Variants in FUT9 observed in about 807,000 individuals in gnomAD.
FUT9 encodes 4-galactosyl-N-acetylglucosaminide 3-alpha-L-fucosyltransferase 9.
A neutral mutation model predicts 29.7 loss-of-function variants in FUT9; 15 were observed. The ratio of observed to expected loss-of-function variants is 0.51; its 90% CI spans 0.34 to 0.78. The LOEUF is 0.78. Among genes scored for constraint, FUT9 ranks in the 30% least tolerant of loss-of-function variants. The probability of loss-of-function intolerance (pLI) is 0.01; values close to 1 mark genes in which losing one functional copy is unlikely to be tolerated. For synonymous variants in FUT9, 169 were observed against 153.7 expected, an observed-to-expected ratio of 1.10 and a Z score of -0.74; for missense variants, 319 against 425.4, an observed-to-expected ratio of 0.75 and a Z score of 2.20.
intron 1 of FUT9, among the ~76,000 whole-genome samples, chr6:96,062,878 C>T (rs530116250): frequency 6.6e-6 from 1 of 151,980 alleles, no homozygotes; most frequent in East Asian, 1.9e-4. Context: ...CAAAAAAGTG[C>T]CTTCAGTTAA....
chr6:96,184,604 T>C (rs576577942), intron 2 of FUT9, among the ~76,000 whole-genome samples: 12 of 152,222 alleles, frequency 7.9e-5, no homozygotes, highest in Non-Finnish European at 1.3e-4. Flanking sequence ...TGAACTTTCC[T>C]CTTAATGCTG....
chr6:96,139,545 C>T (rs897497212), intron 2 of FUT9, among the ~76,000 whole-genome samples: 2 of 152,330 alleles, frequency 1.3e-5, no homozygotes, highest in East Asian at 3.9e-4. Flanking sequence ...CCCACATTTT[C>T]CTTCTGCATC....
At chr6:96,076,016 C>A (rs867867577) in intron 1 of FUT9, among the ~76,000 whole-genome samples, 46 of 152,048 alleles carry the variant, frequency 3.0e-4, no homozygotes, top group Non-Finnish European at 5.4e-4. Flanking sequence ...ATGTCACCAG[C>A]CTATTATTTA....
chr6:96,126,111 T>C (rs1297028245), intron 2 of FUT9, among the ~76,000 whole-genome samples: 1 of 152,172 alleles, frequency 6.6e-6, no homozygotes, highest in Non-Finnish European at 1.5e-5. Context: ...TTAAAACTCG[T>C]CCACAGCCTC....
intron 1 of FUT9, among the ~76,000 whole-genome samples, chr6:96,023,156 A>G (rs186982252): frequency 6.6e-6 from 1 of 152,106 alleles, no homozygotes; most frequent in East Asian, 1.9e-4. Context: ...ACCATCTCCA[A>G]TGCCCAAATG....
At chr6:96,164,780 C>A (rs1346560456) in intron 2 of FUT9, among the ~76,000 whole-genome samples, 2 of 152,094 alleles carry the variant, frequency 1.3e-5, no homozygotes, top group Non-Finnish European at 2.9e-5. Context: ...GAGGAGGGAT[C>A]CATTCAGTTG....
At chr6:96,075,480 G>A (rs1771128886) in intron 1 of FUT9, among the ~76,000 whole-genome samples, 1 of 152,028 alleles carries the variant, frequency 6.6e-6, no homozygotes. Context: ...AAATATATAT[G>A]TATATATACT....
intron 1 of FUT9, among the ~76,000 whole-genome samples, chr6:96,104,608 G>A (rs1316776801): frequency 6.6e-6 from 1 of 152,026 alleles, no homozygotes; most frequent in South Asian, 2.1e-4. Context: ...TCGGCTCACC[G>A]CAATCTCCGC....
intron 1 of FUT9, among the ~76,000 whole-genome samples, chr6:96,070,485 A>G (rs1364556141): frequency 6.6e-6 from 1 of 152,112 alleles, no homozygotes; most frequent in Non-Finnish European, 1.5e-5. Context: ...CAGGAGTACG[A>G]GACCAGCCTG....
chr6:96,198,213 C>A (rs1400283193), intron 2 of FUT9, among the ~76,000 whole-genome samples: 1 of 151,828 alleles, frequency 6.6e-6, no homozygotes, highest in Non-Finnish European at 1.5e-5. Flanking sequence ...CTGCGCTGCA[C>A]CCACTAACTC....
At chr6:96,035,779 T>G (rs1478985722) in intron 1 of FUT9, among the ~76,000 whole-genome samples, 3 of 123,892 alleles carry the variant, frequency 2.4e-5, no homozygotes, top group Non-Finnish European at 5.0e-5. Context: ...AAATATAATA[T>G]AATTTATTTA....
At chr6:96,161,350 C>T (rs1214429787) in intron 2 of FUT9, among the ~76,000 whole-genome samples, 16 of 152,206 alleles carry the variant, frequency 1.1e-4, no homozygotes, top group Middle Eastern at 3.4e-3. Context: ...GAGGAACAGG[C>T]GCTCCTCAGA....
chr6:96,094,879 A>G (rs1358653397), intron 1 of FUT9, among the ~76,000 whole-genome samples: 4 of 151,956 alleles, frequency 2.6e-5, no homozygotes, highest in Non-Finnish European at 5.9e-5. Context: ...TTTGGGGAAC[A>G]GGTGGTGTTT....
chr6:96,152,226 G>C (rs1378720932), intron 2 of FUT9, among the ~76,000 whole-genome samples: 1 of 152,096 alleles, frequency 6.6e-6, no homozygotes, highest in East Asian at 1.9e-4. Context: ...CCTATTACAC[G>C]CTGTATATGC....
chr6:96,100,512 G>A (rs182639199), intron 1 of FUT9, among the ~76,000 whole-genome samples: 15 of 152,254 alleles, frequency 9.9e-5, no homozygotes, highest in Admixed American at 3.3e-4. Context: ...TGTCTTAGAT[G>A]ATTAGAAGAA....
intron 1 of FUT9, among the ~76,000 whole-genome samples, chr6:96,087,597 C>T (rs566919411): frequency 1.2e-4 from 18 of 152,120 alleles, no homozygotes; most frequent in African/African-American, 4.1e-4. Flanking sequence ...GATCTCTTGA[C>T]CTCATGATCC....
intron 2 of FUT9, among the ~76,000 whole-genome samples, chr6:96,195,083 G>C (rs528910733): frequency 2.6e-5 from 4 of 152,310 alleles, no homozygotes; most frequent in African/African-American, 9.6e-5. Flanking sequence ...ATTTCGAAGA[G>C]AGAGACAGTA....
chr6:96,106,909 A>G (rs12211108), intron 1 of FUT9, among the ~76,000 whole-genome samples: 21,200 of 152,274 alleles, frequency 0.14, 1,695 homozygotes, highest in Non-Finnish European at 0.17. Flanking sequence ...AAAAATAAAA[A>G]AATTCATTTT....
intron 2 of FUT9, among the ~76,000 whole-genome samples, chr6:96,183,021 G>A (rs1192047617): frequency 3.3e-5 from 5 of 151,866 alleles, no homozygotes; most frequent in Non-Finnish European, 5.9e-5. Flanking sequence ...TTTTTAAATT[G>A]TTTTTGGCAG....
Sources: gnomAD v4.1 joint callset for allele counts (sites outside exome capture counted in the v4.1 genomes callset) on GRCh38, gnomAD v4.1.1 for gene constraint, MANE v1.5 for transcripts, NCBI Gene and HGNC (gene_info 2026-07-23, HGNC 2026-07-21) for gene names.